Variants in SBNO1 observed in about 807,000 individuals in gnomAD.
SBNO1 encodes strawberry notch homolog 1.
In SBNO1, 23 loss-of-function variants were observed where a neutral mutation model predicts 173.6. That is an observed-to-expected ratio of 0.13 (90% CI 0.10 to 0.19). The LOEUF (loss-of-function observed/expected upper bound fraction) is 0.19. Among genes scored for constraint, SBNO1 ranks in the 10% least tolerant of loss-of-function variants. The probability of loss-of-function intolerance (pLI) is 1.00; values close to 1 mark genes in which losing one functional copy is unlikely to be tolerated. For missense variants in SBNO1, 1,238 were observed against 1,671.2 expected, an observed-to-expected ratio of 0.74 and a Z score of 4.52; for synonymous variants, 632 against 571.5, an observed-to-expected ratio of 1.11 and a Z score of -1.51.
Position 123,353,147 on chromosome 12 carries a change from G to A in SBNO1, c.1-2706C>T, listed in dbSNP as rs186037601. On this transcript the variant is annotated intron_variant, in intron 1 of 31. Transcript: ENST00000602398. ...TTTCCAGAAAAAGGAAAAGCAACCT[G>A]AGGAAGAAAACCATTTTGGGCAGGG... Among the ~76,000 whole-genome samples, 10 of 152,230 alleles carry A rather than the reference G, an allele frequency of 6.6e-5. No homozygotes were observed. In the East Asian group the frequency reaches 1.7e-3, roughly 26 times the overall value.
At chr12:123,310,887 A>C (rs1458561367) in intron 25 of SBNO1, among the ~76,000 whole-genome samples, 168 bp downstream of exon 25, 1 of 152,194 alleles carries the variant, frequency 6.6e-6, no homozygotes, top group Non-Finnish European at 1.5e-5. Context: ...GCCAGTGCTG[A>C]AAACTGCTTC....
At position 123,292,121 on chromosome 12, in the gene SBNO1, G is replaced by A. The variant is rs2048521253; in HGVS notation, c.*3787C>T. The A allele has an allele frequency of 6.6e-6, 1 of 152,004 alleles. No homozygotes were observed. The highest frequency in any genetic ancestry group is 1.5e-5 in the Non-Finnish European group (1 of 68,034). 9.4% of individuals were successfully genotyped at this position (152,004 alleles called of 1,614,324 possible). On this transcript the variant is annotated 3_prime_UTR_variant, in exon 32 of 32. Coordinates refer to ENST00000602398, the MANE Select transcript of SBNO1 (RefSeq NM_001167856.3). ...AGTGGGCCGAGCGCAGTACGCACAG[G>A]TGTGGTGTTAGCCAGGGAGACCGAA...
chr12:123,307,557 C>T (rs1315754517), intron 28 of SBNO1, among the ~76,000 whole-genome samples: 2 of 152,178 alleles, frequency 1.3e-5, no homozygotes, highest in Admixed American at 6.5e-5. Flanking sequence ...TACTTGCAGT[C>T]ACTCCATAAA....
chr12:123,313,816 C>T (rs893457322), intron 23 of SBNO1, 97 bp from the exon 24 acceptor site: 30 of 696,422 alleles, frequency 4.3e-5, no homozygotes, highest in South Asian at 1.1e-4. Flanking sequence ...TGGCTGGGTG[C>T]GGTGGCTCAT....
intron 6 of SBNO1, among the ~76,000 whole-genome samples, 192 bp from the exon 7 acceptor site, chr12:123,334,405 A>C (rs1047699621): frequency 2.0e-5 from 3 of 152,212 alleles, no homozygotes; most frequent in African/African-American, 7.2e-5. Flanking sequence ...TATCAACTAC[A>C]TATGGTTAAA....
intron 24 of SBNO1, 149 bp downstream of exon 24, chr12:123,313,468 GATA>G: frequency 2.0e-6 from 1 of 491,476 alleles, no homozygotes; most frequent in Non-Finnish European, 3.6e-6. Flanking sequence ...TTTAATACAA[GATA>G]ATTATGTGTC....
At chr12:123,318,854 A>T (rs1041450005) in intron 20 of SBNO1, among the ~76,000 whole-genome samples, 9 of 151,374 alleles carry the variant, frequency 5.9e-5, no homozygotes, top group Non-Finnish European at 8.8e-5. Flanking sequence ...ATGACATAGC[A>T]ATAAAATAAA....
At chr12:123,325,712 AT>A in intron 14 of SBNO1, 113 bp from the exon 15 acceptor site, 1 of 749,462 alleles carries the variant, frequency 1.3e-6, no homozygotes, top group Non-Finnish European at 2.3e-6. Flanking sequence ...TGTCCTCATT[AT>A]TATAAAACAC....
chr12:123,357,213 G>C (rs1282856331), intron 1 of SBNO1, among the ~76,000 whole-genome samples: 2 of 151,906 alleles, frequency 1.3e-5, no homozygotes, highest in African/African-American at 4.8e-5. Context: ...CTGGGAGGCC[G>C]AGGCAGGCAG....
rs1313680603 is a variant in SBNO1, at chr12:123,311,691, C to CCTATCTATCTAT, written c.3221-574_3221-563dup. On this transcript the variant is annotated intron_variant, in intron 24 of 31. Transcript: ENST00000602398. Reference sequence around the variant, plus strand: ...GTCATTACTTATAATAAACAAGTAACCTATCTATCTATCTATCTATCTATC... The same window carrying CCTATCTATCTAT: ...GTCATTACTTATAATAAACAAGTAACCTATCTATCTATCTATCTATCTATCTATCTATCTATC... 4.5e-3 allele frequency among the ~76,000 whole-genome samples: 545 copies of CCTATCTATCTAT among 121,720 alleles called. 5 individuals are homozygous for CCTATCTATCTAT. Among genetic ancestry groups the CCTATCTATCTAT allele is most frequent in the East Asian group, 0.012 (52 of 4,370 alleles). 79.9% of individuals were successfully genotyped at this position (121,720 alleles called of 152,430 possible).
intron 2 of SBNO1, chr12:123,349,147 T>A (rs922577003): frequency 2.0e-5 from 3 of 152,042 alleles, no homozygotes; most frequent in Non-Finnish European, 4.4e-5. Flanking sequence ...TCACCCAGGC[T>A]AAAGTGCAGT....
At chr12:123,340,635 T>A (rs1464810269) in intron 5 of SBNO1, among the ~76,000 whole-genome samples, 1 of 149,116 alleles carries the variant, frequency 6.7e-6, no homozygotes, top group Non-Finnish European at 1.5e-5. Flanking sequence ...CATTATATGA[T>A]CTGTCAATGC....
At chr12:123,346,944 G>C (rs1182007750) in intron 3 of SBNO1, among the ~76,000 whole-genome samples, 1 of 151,402 alleles carries the variant, frequency 6.6e-6, no homozygotes, top group Non-Finnish European at 1.5e-5. Flanking sequence ...CAGGCATGGT[G>C]GTGGGCGCCT....
chr12:123,336,236 C>G (rs1207904292), intron 6 of SBNO1, among the ~76,000 whole-genome samples, 159 bp downstream of exon 6: 1 of 151,850 alleles, frequency 6.6e-6, no homozygotes, highest in East Asian at 1.9e-4. Context: ...CTCCTATGAA[C>G]AAAATTAAAA....
intron 9 of SBNO1, among the ~76,000 whole-genome samples, chr12:123,329,458 T>C (rs995086556): frequency 6.6e-6 from 1 of 151,534 alleles, no homozygotes; most frequent in Non-Finnish European, 1.5e-5. Flanking sequence ...CCAGACAAAC[T>C]TCCCTATAAG....
chr12:123,323,861 C>T (rs1330631553), intron 15 of SBNO1, 30 bp from the exon 16 acceptor site: 15 of 1,512,748 alleles, frequency 9.9e-6, no homozygotes, highest in Admixed American at 7.0e-5. Flanking sequence ...ACAATTACTG[C>T]TTCAGTTGAC....
In SBNO1 at chr12:123,323,845, A is replaced by G; in HGVS notation, c.1974-14T>C. The G allele has an allele frequency of 6.4e-7, 1 of 1,571,354 alleles. No individual in the cohort carries two copies. Among genetic ancestry groups the G allele is most frequent in the Non-Finnish European group, 8.6e-7 (1 of 1,164,132 alleles). On this transcript the variant is annotated splice_polypyrimidine_tract_variant and intron_variant, in intron 15 of 31. Coordinates refer to ENST00000602398, the MANE Select transcript of SBNO1 (RefSeq NM_001167856.3). Reference sequence around the variant, plus strand: ...TGCAACACACCTCTGTAGGAGAGAAACAGTGACAATTACTGCTTCAGTTGA... The same window carrying G: ...TGCAACACACCTCTGTAGGAGAGAAGCAGTGACAATTACTGCTTCAGTTGA...
At chr12:123,356,606 T>A (rs1441786212) in intron 1 of SBNO1, among the ~76,000 whole-genome samples, 1 of 152,224 alleles carries the variant, frequency 6.6e-6, no homozygotes, top group Non-Finnish European at 1.5e-5. Flanking sequence ...CACACCCAGC[T>A]AATTTTTTTG....
At position 123,309,405 on chromosome 12, in the gene SBNO1, G is replaced by A. The variant is rs766474227; in HGVS notation, c.3538-3C>T. ...GACATTCCCCTCTCTACACTAATCTGTAAGAGAAACAACGAAATTTAAACT... is the reference window on the plus strand; with the variant it reads ...GACATTCCCCTCTCTACACTAATCTATAAGAGAAACAACGAAATTTAAACT... On this transcript the variant is annotated splice_polypyrimidine_tract_variant and splice_region_variant and intron_variant, in intron 27 of 31. Transcript: ENST00000602398. 3.7e-6 allele frequency: 6 copies of A among 1,612,328 alleles called. No homozygotes were observed. Among genetic ancestry groups the A allele is most frequent in the Non-Finnish European group, 5.1e-6 (6 of 1,178,396 alleles).
Sources: allele counts gnomAD v4.1 joint callset (sites outside exome capture counted in the v4.1 genomes callset), GRCh38; gene constraint gnomAD v4.1.1; transcripts MANE v1.5; gene names NCBI Gene and HGNC (gene_info 2026-07-23, HGNC 2026-07-21).